FRMD5: variants seen among roughly 807,000 people sequenced by gnomAD.
The protein encoded by FRMD5 is FERM domain-containing protein 5.
FRMD5 carries 20 observed loss-of-function variants against 69.0 expected under a neutral mutation model. That is an observed-to-expected ratio of 0.29 (90% confidence interval 0.20 to 0.42). FRMD5 has a LOEUF of 0.42. FRMD5 is among the 10% of genes least tolerant of loss of function. FRMD5 has a pLI of 1.00. For synonymous variants in FRMD5, 271 were observed against 260.1 expected (o/e 1.04, Z -0.40); for missense variants, 595 against 708.6 (o/e 0.84, Z 1.82).
rs570113383 is a variant in FRMD5 at position 44,023,378 on chromosome 15, G to T, written c.103-99069C>A. Among the ~76,000 whole-genome samples the T allele has an allele frequency of 1.3e-5, 2 of 152,294 alleles. 1 individual carries two copies. The highest frequency in any genetic ancestry group is 3.9e-4 in the East Asian group (2 of 5,190). On this transcript the variant is annotated intron_variant, in intron 1 of 13. Coordinates refer to ENST00000417257, the MANE Select transcript of FRMD5 (RefSeq NM_032892.5). Reference sequence around the variant, plus strand: ...AAATAACATTTTACTCAGAGGAAATGACATGTACAAAGGCTCAGAGGCCAG... The same window carrying T: ...AAATAACATTTTACTCAGAGGAAATTACATGTACAAAGGCTCAGAGGCCAG...
intron 1 of FRMD5, among the ~76,000 whole-genome samples, chr15:44,122,556 G>A (rs1366931759): frequency 6.6e-6 from 1 of 150,652 alleles, no homozygotes; most frequent in Non-Finnish European, 1.5e-5. Flanking sequence ...GCAACAGAGT[G>A]AGACCCTGCC....
In FRMD5 at chr15:43,876,123, C is replaced by A. The variant is rs1270230997; in HGVS notation, c.1136-1661G>T. ...GCCATGTTTTTCCCATAGAATGTGT[C>A]TGACCTTTACTGCATTGCCACCACC... is the stretch of plus-strand genomic sequence containing the variant. On this transcript the variant is annotated intron_variant, in intron 13 of 13. Coordinates refer to ENST00000417257, the MANE Select transcript of FRMD5 (RefSeq NM_032892.5). 9 of 1,524,418 alleles carry A rather than the reference C, an allele frequency of 5.9e-6. No individual in the cohort carries two copies. In the African/African-American group the frequency reaches 9.6e-5, roughly 16 times the overall value. The allele number at this position is 1,524,418 out of a possible 1,614,324, so 94.4% of individuals were successfully genotyped here. A position where few individuals can be genotyped will look rare whatever the true frequency, so the allele number is the denominator to read the frequency against.
At chr15:43,893,205 T>C (rs1319684734) in intron 7 of FRMD5, among the ~76,000 whole-genome samples, 1 of 151,968 alleles carries the variant, frequency 6.6e-6, no homozygotes, top group African/African-American at 2.4e-5. Flanking sequence ...GGAGTTGTTA[T>C]CCACTTTCAT....
At chr15:43,966,864 G>A (rs2090302705) in intron 1 of FRMD5, among the ~76,000 whole-genome samples, 1 of 152,142 alleles carries the variant, frequency 6.6e-6, no homozygotes, top group Admixed American at 6.5e-5. Context: ...TGATCCAAGT[G>A]GTGTTCTAGG....
intron 1 of FRMD5, among the ~76,000 whole-genome samples, chr15:43,955,181 C>T (rs762027876): frequency 7.2e-5 from 11 of 152,236 alleles, no homozygotes; most frequent in Admixed American, 6.5e-4. Flanking sequence ...CACGGTCTCT[C>T]CTTTGTGCAC....
At chr15:43,966,038 G>C (rs2090289652) in intron 1 of FRMD5, among the ~76,000 whole-genome samples, 4 of 152,082 alleles carry the variant, frequency 2.6e-5, no homozygotes, top group Admixed American at 2.6e-4. Flanking sequence ...ACTGGACCTT[G>C]AGGCAGGAAG....
intron 1 of FRMD5, among the ~76,000 whole-genome samples, chr15:44,190,109 G>A (rs923125752): frequency 1.3e-5 from 2 of 152,184 alleles, no homozygotes; most frequent in Admixed American, 1.3e-4. Flanking sequence ...GAAGCTATAA[G>A]GTTGCTGCCA....
chr15:43,973,092 G>A (rs574096198), intron 1 of FRMD5, among the ~76,000 whole-genome samples: 3 of 150,304 alleles, frequency 2.0e-5, no homozygotes, highest in Non-Finnish European at 4.4e-5. Context: ...GCGCGATCTC[G>A]GCTCACTGCA....
chr15:43,967,437 T>C (rs941708408), intron 1 of FRMD5, among the ~76,000 whole-genome samples: 4 of 152,120 alleles, frequency 2.6e-5, no homozygotes, highest in African/African-American at 9.7e-5. Flanking sequence ...TTCACCATAC[T>C]GGCCAGGCTG....
rs947583506 is a variant in FRMD5, at chr15:43,918,534, G to A, written c.329+925C>T. On this transcript the variant is annotated intron_variant, in intron 4 of 13. Transcript: ENST00000417257. ...TAGGAGTGGATCTCAAAGCCTTACA[G>A]GATAACCCGTCTATATGGCTGGCAA... is the stretch of plus-strand genomic sequence containing the variant. 2.0e-5 allele frequency among the ~76,000 whole-genome samples: 3 copies of A among 152,118 alleles called. No homozygotes were observed. In the South Asian group the frequency reaches 6.2e-4, roughly 32 times the overall value.
rs146312036 is a variant in FRMD5, at chr15:43,989,008, C to T, written c.103-64699G>A. On this transcript the variant is annotated intron_variant, in intron 1 of 13. Transcript: ENST00000417257. ...CATGCCAATCTCATCTTGTTTTCTG[C>T]GCAAGTTAGGTTTTGTCAAGAAAGG... 1,973 of 772,076 alleles carry T rather than the reference C, an allele frequency of 2.6e-3. 23 individuals are homozygous for T. In the African/African-American group the frequency reaches 0.03, roughly 12 times the overall value. 47.8% of individuals were successfully genotyped at this position (772,076 alleles called of 1,614,324 possible).
intron 13 of FRMD5, among the ~76,000 whole-genome samples, chr15:43,878,274 T>G (rs2088420738): frequency 6.6e-6 from 1 of 152,152 alleles, no homozygotes; most frequent in South Asian, 2.1e-4. Context: ...AAAAAAAGTT[T>G]AATTGTACAT....
chr15:43,905,184 T>A (rs2089141766), intron 6 of FRMD5, among the ~76,000 whole-genome samples: 1 of 149,424 alleles, frequency 6.7e-6, no homozygotes, highest in Admixed American at 6.7e-5. Flanking sequence ...TCACCCAGGC[T>A]AGAGTGCAAT....
intron 7 of FRMD5, among the ~76,000 whole-genome samples, chr15:43,899,480 C>G (rs1342167376): frequency 2.0e-5 from 3 of 152,148 alleles, no homozygotes; most frequent in Non-Finnish European, 2.9e-5. Context: ...TGCTCTACCG[C>G]TGAGGGCTTG....
upstream of FRMD5, among the ~76,000 whole-genome samples, chr15:44,195,899 C>CCTT (rs5812270): frequency 0.97 from 147,575 of 152,254 alleles, 71,657 homozygotes; most frequent in Non-Finnish European, 1. Context: ...CCCTTTGCCT[C>CCTT]CTTTTTATTT....
chr15:43,870,880 TAAGA>T lies in FRMD5; in HGVS notation c.*3001_*3004del, dbSNP rs1419383630. 1 of 152,194 alleles carries T rather than the reference TAAGA, an allele frequency of 6.6e-6. No individual in the cohort carries two copies. The highest frequency in any genetic ancestry group is 6.5e-5 in the Admixed American group (1 of 15,286). The allele number at this position is 152,194 out of a possible 1,614,324, so 9.4% of individuals were successfully genotyped here. On this transcript the variant is annotated 3_prime_UTR_variant, in exon 14 of 14. Coordinates refer to ENST00000417257, the MANE Select transcript of FRMD5 (RefSeq NM_032892.5). ...CATTGCTTTGAAGGAAAATGTAACT[TAAGA>T]GTTTTTGGCACACAGAAGGTTAACA...
intron 1 of FRMD5, among the ~76,000 whole-genome samples, chr15:44,170,215 T>G (rs2077776729): frequency 6.6e-6 from 1 of 152,112 alleles, no homozygotes; most frequent in African/African-American, 2.4e-5. Flanking sequence ...CAAGCCCAGC[T>G]GGTTGCTTAT....
chr15:44,021,067 T>G (rs959383653), intron 1 of FRMD5, among the ~76,000 whole-genome samples: 10 of 152,164 alleles, frequency 6.6e-5, no homozygotes, highest in Admixed American at 5.9e-4. Flanking sequence ...GGCAGCTCAT[T>G]TGAGTCCAAG....
At chr15:44,149,708 A>G (rs978631701) in intron 1 of FRMD5, among the ~76,000 whole-genome samples, 1 of 152,208 alleles carries the variant, frequency 6.6e-6, no homozygotes, top group Non-Finnish European at 1.5e-5. Flanking sequence ...AGATGTAACA[A>G]TTACATTTAT....
Sources: gnomAD v4.1 joint callset for allele counts (sites outside exome capture counted in the v4.1 genomes callset) on GRCh38, gnomAD v4.1.1 for gene constraint, MANE v1.5 for transcripts, NCBI Gene and HGNC (gene_info 2026-07-23, HGNC 2026-07-21) for gene names.